FRMD4B: variants seen among roughly 807,000 people sequenced by gnomAD.
The protein encoded by FRMD4B is FERM domain containing 4B, also known as FERM domain-containing protein 4B.
In FRMD4B, 74 loss-of-function variants were observed where a neutral mutation model predicts 141.5. The ratio of observed to expected loss-of-function variants is 0.52; its 90% CI spans 0.43 to 0.63. The LOEUF (loss-of-function observed/expected upper bound fraction) is 0.63, where lower values mean the gene tolerates loss of function less well. FRMD4B is among the 30% of genes least tolerant of loss of function. The probability of loss-of-function intolerance (pLI) is 0.00; values close to 1 mark genes in which losing one functional copy is unlikely to be tolerated. For synonymous variants in FRMD4B, 506 were observed against 467.9 expected (o/e 1.08, Z -1.05); for missense variants, 1,366 against 1,253.4 (o/e 1.09, Z -1.36).
rs534467861 is a variant in FRMD4B at position 69,500,787 on chromosome 3, G to A, written c.-129+41419C>T. Among the ~76,000 whole-genome samples, 9 of 151,100 alleles carry A rather than the reference G, an allele frequency of 6.0e-5. No individual in the cohort carries two copies. In the South Asian group the frequency reaches 1.3e-3, roughly 22 times the overall value. On this transcript the variant is annotated intron_variant, in intron 1 of 5. Transcript: ENST00000459638. Reference sequence around the variant, plus strand: ...GAGAGAGAAAGGAAGGAACGCCCACGCTCTCTTTTCTGTCATCTCCCACAG... The same window carrying A: ...GAGAGAGAAAGGAAGGAACGCCCACACTCTCTTTTCTGTCATCTCCCACAG...
At chr3:69,406,911 A>ATT (rs67956877) in intron 2 of FRMD4B, among the ~76,000 whole-genome samples, 6,811 of 135,168 alleles carry the variant, frequency 0.05, 510 homozygotes, top group African/African-American at 0.16. Context: ...TTTAATTTTA[A>ATT]TTTTTTTTTT....
At chr3:69,490,051 T>G (rs1706277342) in intron 1 of FRMD4B, among the ~76,000 whole-genome samples, 1 of 152,150 alleles carries the variant, frequency 6.6e-6, no homozygotes, top group Non-Finnish European at 1.5e-5. Flanking sequence ...GACGAATGGC[T>G]GTCTAGGGCT....
At chr3:69,331,013 C>T (rs1363175159) in intron 1 of FRMD4B, among the ~76,000 whole-genome samples, 1 of 151,978 alleles carries the variant, frequency 6.6e-6, no homozygotes, top group Non-Finnish European at 1.5e-5. Flanking sequence ...CAGTTCCGTT[C>T]TGCCTCCATC....
intron 19 of FRMD4B, among the ~76,000 whole-genome samples, chr3:69,187,354 G>A (rs182091093): frequency 9.3e-5 from 14 of 151,198 alleles, no homozygotes; most frequent in Admixed American, 7.3e-4. Context: ...GAGACCACCC[G>A]GACCAACATG....
chr3:69,442,251 T>G (rs993394943), intron 1 of FRMD4B, among the ~76,000 whole-genome samples: 3 of 152,072 alleles, frequency 2.0e-5, no homozygotes, highest in African/African-American at 7.2e-5. Flanking sequence ...TCAGTTAATT[T>G]TTAAATTTTT....
At chr3:69,213,738 T>C (rs913938092) in intron 11 of FRMD4B, among the ~76,000 whole-genome samples, 20 of 151,610 alleles carry the variant, frequency 1.3e-4, no homozygotes, top group African/African-American at 4.4e-4. Flanking sequence ...TCATAGTTCA[T>C]TGCAGCCTCA....
intron 5 of FRMD4B, among the ~76,000 whole-genome samples, chr3:69,263,234 G>A (rs2093539359): frequency 1.3e-5 from 2 of 152,014 alleles, no homozygotes; most frequent in South Asian, 4.2e-4. Context: ...TCCAACCTGG[G>A]TGACAGAGCA....
intron 1 of FRMD4B, among the ~76,000 whole-genome samples, chr3:69,468,760 C>A (rs1167605280): frequency 6.6e-6 from 1 of 152,140 alleles, no homozygotes; most frequent in Non-Finnish European, 1.5e-5. Context: ...GAAGCTGAGA[C>A]CTTAATAATA....
chr3:69,479,603 T>A (rs1706077907), intron 1 of FRMD4B, among the ~76,000 whole-genome samples: 1 of 152,218 alleles, frequency 6.6e-6, no homozygotes, highest in Admixed American at 6.5e-5. Context: ...CTTCCCTTTG[T>A]GGGTAACCCA....
At chr3:69,190,036 G>T in intron 17 of FRMD4B, 84 bp from the exon 18 acceptor site, 1 of 733,892 alleles carries the variant, frequency 1.4e-6, no homozygotes, top group Non-Finnish European at 2.4e-6. Context: ...TCAATGGAAT[G>T]CATTTTCATT....
rs56146632 is a variant in FRMD4B, at chr3:69,541,789, T to TC, written c.-129+416dup. Among the ~76,000 whole-genome samples the TC allele has an allele frequency of 1.8e-3, 270 of 148,416 alleles. 3 individuals carry two copies. Among genetic ancestry groups the TC allele is most frequent in the South Asian group, 5.2e-3 (24 of 4,660 alleles). On this transcript the variant is annotated intron_variant, in intron 1 of 5. Transcript: ENST00000459638. ...GTGTCCTCTGCTAACTCCAGGGATT[T>TC]CCCCCCCCTCTTTTCGCTGCCTTTT... is the stretch of plus-strand genomic sequence containing the variant.
chr3:69,460,042 AACC>A (rs1248016512), intron 1 of FRMD4B, among the ~76,000 whole-genome samples: 2 of 152,220 alleles, frequency 1.3e-5, no homozygotes, highest in African/African-American at 4.8e-5. Context: ...TGAATGAATG[AACC>A]AAGGAATAAA....
intron 1 of FRMD4B, among the ~76,000 whole-genome samples, chr3:69,518,044 AC>A (rs1036915930): frequency 6.6e-5 from 10 of 152,184 alleles, no homozygotes; most frequent in African/African-American, 2.4e-4. Flanking sequence ...TTTGAGAACC[AC>A]AGGAATCTGA....
chr3:69,498,105 G>A (rs138447322), intron 1 of FRMD4B, among the ~76,000 whole-genome samples: 283 of 152,256 alleles, frequency 1.9e-3, no homozygotes, highest in African/African-American at 6.7e-3. Flanking sequence ...TGAGAAGTGG[G>A]ATAGCCATTT....
intron 2 of FRMD4B, among the ~76,000 whole-genome samples, chr3:69,396,159 G>A (rs1704470167): frequency 6.6e-6 from 1 of 152,130 alleles, no homozygotes; most frequent in African/African-American, 2.4e-5. Context: ...TCTAAGGGAA[G>A]GCACAACACC....
At chr3:69,510,163 A>G (rs551807215) in intron 1 of FRMD4B, among the ~76,000 whole-genome samples, 1 of 152,136 alleles carries the variant, frequency 6.6e-6, no homozygotes, top group African/African-American at 2.4e-5. Flanking sequence ...TCTGGGATTA[A>G]ATTACATAAT....
intron 1 of FRMD4B, among the ~76,000 whole-genome samples, chr3:69,368,388 C>T (rs1278821859): frequency 6.6e-6 from 1 of 152,184 alleles, no homozygotes; most frequent in Non-Finnish European, 1.5e-5. Flanking sequence ...TCTATTAGAA[C>T]AGACTGATGA....
chr3:69,219,609 C>CTT (rs74266944), intron 9 of FRMD4B, among the ~76,000 whole-genome samples: 7 of 146,098 alleles, frequency 4.8e-5, no homozygotes, highest in African/African-American at 1.8e-4. Flanking sequence ...AGCATGGGTA[C>CTT]TTTTTTTTTT....
chr3:69,333,158 C>G (rs747927824), intron 1 of FRMD4B, among the ~76,000 whole-genome samples: 3 of 151,872 alleles, frequency 2.0e-5, no homozygotes, highest in African/African-American at 7.3e-5. Context: ...GTCCCTGAAG[C>G]CTTTTATTAG....
Sources: gnomAD v4.1 joint callset for allele counts (sites outside exome capture counted in the v4.1 genomes callset) on GRCh38, gnomAD v4.1.1 for gene constraint, MANE v1.5 for transcripts, NCBI Gene and HGNC (gene_info 2026-07-23, HGNC 2026-07-21) for gene names.